The following EPRS1 variants were observed in gnomAD, a reference collection of about 807,000 sequenced individuals.
EPRS1 encodes the protein glutamyl-prolyl-tRNA synthetase 1.
Under a neutral mutation model 188.3 loss-of-function variants are expected in EPRS1, and 107 were observed. The ratio of observed to expected loss-of-function variants is 0.57; its 90% confidence interval spans 0.49 to 0.67. The LOEUF is 0.67. Among genes scored for constraint, EPRS1 ranks in the 30% least tolerant of loss-of-function variants. EPRS1 has a pLI of 0.00. For synonymous variants in EPRS1, 596 were observed against 593.1 expected (o/e 1.00, Z -0.07); for missense variants, 1,577 against 1,802.2 (o/e 0.88, Z 2.26).
chr1:220,027,511 G>T (rs1662001683), intron 6 of EPRS1, among the ~76,000 whole-genome samples: 2 of 143,448 alleles, frequency 1.4e-5, no homozygotes, highest in Middle Eastern at 3.6e-3. Context: ...AGAATTGCTT[G>T]AACCTGGGAG....
intron 29 of EPRS1, among the ~76,000 whole-genome samples, chr1:219,972,871 G>A (rs1660696280): frequency 6.6e-6 from 1 of 152,128 alleles, no homozygotes; most frequent in African/African-American, 2.4e-5. Context: ...AATTAAATTA[G>A]TATCTCTAGG....
In EPRS1 at chr1:219,981,409, G is replaced by C. The variant is rs1428526623; in HGVS notation, c.3422C>G (p.Pro1141Arg). 1 of 1,608,808 alleles carries C rather than the reference G, an allele frequency of 6.2e-7. No homozygotes were observed. Among genetic ancestry groups the C allele is most frequent in the African/African-American group, 1.3e-5 (1 of 74,728 alleles). ...AKWVQSHRDL[P>R]IKLNQWCNVV... ...ATTGCACCACTGATTGAGCTTGATGGGCAGGTCTCTGTGTGACTGTACCCA... is the reference window on the plus strand; with the variant it reads ...ATTGCACCACTGATTGAGCTTGATGCGCAGGTCTCTGTGTGACTGTACCCA... The change falls in exon 24 of 32, where the codon CCC (proline) becomes CGC (arginine). Residue 1141 changes from proline (P) to arginine (R), a missense_variant. Physicochemically the swap from Pro to Arg is moderately radical, Grantham distance 103. Coordinates refer to ENST00000366923, the MANE Select transcript of EPRS1 (RefSeq NM_004446.3).
intron 6 of EPRS1, among the ~76,000 whole-genome samples, chr1:220,027,589 C>CAAAA (rs374947643): frequency 0.46 from 35,929 of 77,934 alleles, 8,782 homozygotes; most frequent in Non-Finnish European, 0.52. Flanking sequence ...GAGGCTATGT[C>CAAAA]AAAAAAAAAA....
At chr1:220,020,871 T>TATATATATATATATATG (rs1661865473) in intron 9 of EPRS1, among the ~76,000 whole-genome samples, 1 of 132,040 alleles carries the variant, frequency 7.6e-6, no homozygotes, top group Non-Finnish European at 1.6e-5. Flanking sequence ...TATATATATA[T>TATATATATATATATATG]TAGTGCATTA....
chr1:220,038,069 GT>G (rs1355250561), intron 2 of EPRS1, among the ~76,000 whole-genome samples: 1 of 145,362 alleles, frequency 6.9e-6, no homozygotes, highest in African/African-American at 2.5e-5. Context: ...AGGGGAAAGT[GT>G]TTCAGCTTTA....
chr1:220,038,942 T>A (rs1054970288), intron 2 of EPRS1, among the ~76,000 whole-genome samples: 1 of 152,122 alleles, frequency 6.6e-6, no homozygotes, highest in East Asian at 1.9e-4. Context: ...TCCAGATTAT[T>A]TGATGAGATC....
chr1:219,991,998 C>T (rs2102571023), intron 18 of EPRS1, among the ~76,000 whole-genome samples: 1 of 152,308 alleles, frequency 6.6e-6, no homozygotes, highest in South Asian at 2.1e-4. Flanking sequence ...TCACTACACA[C>T]ATCCCAAATA....
intron 17 of EPRS1, among the ~76,000 whole-genome samples, chr1:219,998,894 C>T (rs549677750): frequency 1.5e-5 from 2 of 131,900 alleles, no homozygotes; most frequent in South Asian, 4.9e-4. Flanking sequence ...GGTTAGTAAA[C>T]AGGGGAACAT....
intron 14 of EPRS1, among the ~76,000 whole-genome samples, chr1:220,006,971 G>C (rs1661500104): frequency 6.6e-6 from 1 of 152,090 alleles, no homozygotes; most frequent in African/African-American, 2.4e-5. Context: ...TTTATATCCA[G>C]ATGTAGTAAT....
At chr1:220,038,570 G>A (rs1348483865) in intron 2 of EPRS1, among the ~76,000 whole-genome samples, 2 of 151,044 alleles carry the variant, frequency 1.3e-5, no homozygotes, top group East Asian at 3.9e-4. Context: ...GTAGAGACAG[G>A]ATTTTACTAT....
At chr1:220,011,554 T>C (rs747989331) in intron 12 of EPRS1, among the ~76,000 whole-genome samples, 1 of 152,214 alleles carries the variant, frequency 6.6e-6, no homozygotes, top group Non-Finnish European at 1.5e-5. Flanking sequence ...ATAAGGCAAT[T>C]CTATAGATTA....
At chr1:219,987,561 T>A (rs1384404358) in intron 19 of EPRS1, among the ~76,000 whole-genome samples, 157 bp from the exon 20 acceptor site, 1 of 152,054 alleles carries the variant, frequency 6.6e-6, no homozygotes, top group African/African-American at 2.4e-5. Flanking sequence ...GGGAGGCATA[T>A]CTCACATATG....
intron 5 of EPRS1, among the ~76,000 whole-genome samples, chr1:220,031,438 T>C (rs995772906): frequency 6.6e-6 from 1 of 152,090 alleles, no homozygotes; most frequent in Non-Finnish European, 1.5e-5. Flanking sequence ...CTCAACAAAG[T>C]GCAGTAGCAC....
chr1:219,984,219 T>C lies in EPRS1; in HGVS notation c.3077A>G (p.Asp1026Gly). Reference protein sequence around the residue: ...LEAKKEENLADWYSQVITKSE... With the variant: ...LEAKKEENLAGWYSQVITKSE... Reference sequence around the variant, plus strand: ...ATGCATACTCACCTGAGAATACCAATCAGCAAGATTTTCTTCTTTTTTTGC... The same window carrying C: ...ATGCATACTCACCTGAGAATACCAACCAGCAAGATTTTCTTCTTTTTTTGC... The change falls in exon 21 of 32, where the codon GAT becomes GGT. Residue 1026 changes from aspartate to glycine, a missense_variant. By Grantham distance (94) the Asp-to-Gly change is moderately conservative. Around this residue, in one of 3 missense-constraint regions of EPRS1, gnomAD observed 1,278 missense variants for 1,457.4 expected, o/e 0.88. Coordinates refer to ENST00000366923, the MANE Select transcript of EPRS1 (RefSeq NM_004446.3). The C allele has an allele frequency of 6.2e-7, 1 of 1,613,346 alleles. No homozygotes were observed. The highest frequency in any genetic ancestry group is 8.5e-7 in the Non-Finnish European group (1 of 1,179,386).
rs769033131 is a variant in EPRS1 at position 219,973,279 on chromosome 1, A to T, written c.4203T>A (p.Leu1401=). The T allele has an allele frequency of 6.2e-7, 1 of 1,613,018 alleles. No homozygotes were observed. The highest frequency in any genetic ancestry group is 8.5e-7 in the Non-Finnish European group (1 of 1,179,732). ...TVAENEAETK[L]QAILEDIQVT... Reference sequence around the variant, plus strand: ...CCTGGATGTCTTCCAAAATAGCTTGAAGTTTAGTCTCTGCCTCATTTTCAG... The same window carrying T: ...CCTGGATGTCTTCCAAAATAGCTTGTAGTTTAGTCTCTGCCTCATTTTCAG... Residue 1401 remains leucine, a synonymous_variant, in exon 29 of 32, where the codon CTT becomes CTA. Coordinates refer to ENST00000366923, the MANE Select transcript of EPRS1 (RefSeq NM_004446.3).
In EPRS1 at chr1:220,006,250, C is replaced by T; in HGVS notation, c.1806G>A (p.Lys602=). 2 of 1,596,644 alleles carry T rather than the reference C, an allele frequency of 1.3e-6. No homozygotes were observed. Among genetic ancestry groups the T allele is most frequent in the Non-Finnish European group, 1.7e-6 (2 of 1,170,260 alleles). The change falls in exon 15 of 32, where the codon AAG becomes AAA. Residue 602 remains lysine (K), a synonymous_variant. Transcript: ENST00000366923. ...AKLNLENKDY[K]KTTKVTWLAE... ...CAAGCCAAGTGACCTTAGTGGTTTT[C>T]TTGTAGTCTTTGTTTTCCAAATTCA...
intron 22 of EPRS1, 65 bp from the exon 23 acceptor site, chr1:219,982,909 G>T: frequency 7.2e-7 from 1 of 1,393,888 alleles, no homozygotes; most frequent in Non-Finnish European, 1.0e-6. Context: ...CAGTACAAAT[G>T]CAGGCAAATT....
chr1:220,035,323 T>C (rs565354354), intron 2 of EPRS1, among the ~76,000 whole-genome samples: 61 of 152,166 alleles, frequency 4.0e-4, no homozygotes, highest in African/African-American at 1.4e-3. Context: ...GCTAATTTTT[T>C]GTATTTTTAG....
intron 19 of EPRS1, 125 bp downstream of exon 19, chr1:219,988,465 A>C: frequency 3.1e-6 from 2 of 640,676 alleles, no homozygotes; most frequent in Non-Finnish European, 5.5e-6. Context: ...AGGCAAGGTA[A>C]GAGAATTAAG....
Sources: allele counts gnomAD v4.1 joint callset (sites outside exome capture counted in the v4.1 genomes callset), GRCh38; gene constraint gnomAD v4.1.1; regional missense constraint gnomAD v4.1.1; transcripts MANE v1.5; gene names NCBI Gene and HGNC (gene_info 2026-07-23, HGNC 2026-07-21).